Variants in FUT8 observed in about 807,000 individuals in gnomAD.
FUT8 encodes alpha-(1,6)-fucosyltransferase.
In FUT8, 29 loss-of-function variants were observed where a neutral mutation model predicts 71.3. The observed-to-expected ratio is 0.41, with a 90% CI of 0.30 to 0.55. FUT8 has a LOEUF of 0.55. Ranked by LOEUF, FUT8 falls within the 20% of genes least tolerant of loss-of-function variation. The pLI is 0.34. For synonymous variants in FUT8, 254 were observed against 239.3 expected (o/e 1.06, Z -0.57); for missense variants, 544 against 702.1 (o/e 0.77, Z 2.55).
At chr14:65,637,884 A>C (rs1890642262) in intron 6 of FUT8, among the ~76,000 whole-genome samples, 2 of 152,102 alleles carry the variant, frequency 1.3e-5, no homozygotes, top group South Asian at 2.1e-4. Context: ...GCTCCCTCCT[A>C]GGGGTGTTGC....
At chr14:65,609,177 C>T (rs1451791840) in intron 3 of FUT8, among the ~76,000 whole-genome samples, 2 of 151,532 alleles carry the variant, frequency 1.3e-5, no homozygotes, top group Admixed American at 1.3e-4. Flanking sequence ...CTCCTGTAGT[C>T]CCAGCTACTT....
chr14:65,677,158 GCGCA>G (rs1364023292), intron 7 of FUT8, among the ~76,000 whole-genome samples: 31 of 116,358 alleles, frequency 2.7e-4, no homozygotes, highest in African/African-American at 4.7e-4. Flanking sequence ...GTGTGCGCGC[GCGCA>G]TGCGCGCGCA....
At chr14:65,463,257 T>A (rs1449966141) in intron 2 of FUT8, among the ~76,000 whole-genome samples, 2 of 152,156 alleles carry the variant, frequency 1.3e-5, no homozygotes, top group Non-Finnish European at 2.9e-5. Context: ...AGTAGGAGAA[T>A]TTTTTATCTT....
intron 6 of FUT8, among the ~76,000 whole-genome samples, chr14:65,662,202 T>C (rs567634247): frequency 4.6e-5 from 7 of 152,124 alleles, no homozygotes; most frequent in African/African-American, 1.4e-4. Context: ...TGGCTTAAGC[T>C]CACAGGTTCG....
At chr14:65,571,825 AGTT>A (rs549846958) in intron 3 of FUT8, among the ~76,000 whole-genome samples, 74 of 152,126 alleles carry the variant, frequency 4.9e-4, no homozygotes, top group Non-Finnish European at 6.8e-4. Flanking sequence ...GTATTATATC[AGTT>A]GTTCTATTTA....
intron 7 of FUT8, among the ~76,000 whole-genome samples, chr14:65,712,678 C>G (rs1028955906): frequency 1.3e-5 from 2 of 152,172 alleles, no homozygotes; most frequent in African/African-American, 4.8e-5. Flanking sequence ...CTTCTGACCT[C>G]AGGTGATCCT....
At position 65,742,448 on chromosome 14, in the gene FUT8, G is replaced by T; in HGVS notation, c.*38G>T. The T allele has an allele frequency of 1.3e-6, 2 of 1,570,348 alleles. No homozygotes were observed. The highest frequency in any genetic ancestry group is 2.3e-5 in the South Asian group (2 of 85,860). On this transcript the variant is annotated 3_prime_UTR_variant, in exon 11 of 11. Coordinates refer to ENST00000673929, the MANE Select transcript of FUT8 (RefSeq NM_001371533.1). ...AGAGATAAACGACCAAACTCAGTTC[G>T]ACCAAACTCAGTTCAAACCATTTCA...
intron 2 of FUT8, among the ~76,000 whole-genome samples, chr14:65,549,826 C>A (rs1474181560): frequency 6.6e-6 from 1 of 152,130 alleles, no homozygotes; most frequent in South Asian, 2.1e-4. Context: ...TTTTTCATTG[C>A]TCTGAAGGAA....
rs2140084858 is a variant in FUT8, at chr14:65,572,397, A to G, written c.203+10631A>G. On this transcript the variant is annotated intron_variant, in intron 3 of 10. Coordinates refer to ENST00000673929, the MANE Select transcript of FUT8 (RefSeq NM_001371533.1). Reference sequence around the variant, plus strand: ...GTGAGTAAGTACTCACATTATCCCCATTTTGTAGATGTAGACAGAGAAGTA... The same window carrying G: ...GTGAGTAAGTACTCACATTATCCCCGTTTTGTAGATGTAGACAGAGAAGTA... Among the ~76,000 whole-genome samples, 2 of 152,238 alleles carry G rather than the reference A, an allele frequency of 1.3e-5. 1 individual carries two copies. Among genetic ancestry groups the G allele is most frequent in the South Asian group, 4.1e-4 (2 of 4,826 alleles).
intron 6 of FUT8, among the ~76,000 whole-genome samples, chr14:65,642,071 G>A (rs892006788): frequency 5.9e-5 from 9 of 151,968 alleles, no homozygotes; most frequent in African/African-American, 2.2e-4. Flanking sequence ...TTAAATTTAT[G>A]CTTTTGTATT....
intron 1 of FUT8, among the ~76,000 whole-genome samples, chr14:65,420,152 A>T (rs970554803): frequency 2.0e-5 from 3 of 152,212 alleles, no homozygotes; most frequent in Admixed American, 6.5e-5. Flanking sequence ...ATAATAATAA[A>T]AAAAAGATTA....
intron 7 of FUT8, among the ~76,000 whole-genome samples, chr14:65,671,321 T>C (rs1306247137): frequency 6.6e-6 from 1 of 152,196 alleles, no homozygotes; most frequent in Non-Finnish European, 1.5e-5. Flanking sequence ...CTTGTACATT[T>C]TGTAGTCGGT....
chr14:65,598,542 A>G (rs1888123714), intron 3 of FUT8, among the ~76,000 whole-genome samples: 1 of 152,076 alleles, frequency 6.6e-6, no homozygotes, highest in Non-Finnish European at 1.5e-5. Context: ...ATTCTGTTAA[A>G]TAATAGTGAT....
chr14:65,595,002 T>C lies in FUT8; in HGVS notation c.204-20976T>C, dbSNP rs73286148. Among the ~76,000 whole-genome samples the C allele has an allele frequency of 9.3e-3, 1,420 of 152,240 alleles. 22 individuals are homozygous for C. The highest frequency in any genetic ancestry group is 0.033 in the African/African-American group (1,352 of 41,548). ...CACACAGGGATGGAAGTTTTCACTT[T>C]GGGCCACCGATTTCAGACTTTTCCA... On this transcript the variant is annotated intron_variant, in intron 3 of 10. Transcript: ENST00000673929.
chr14:65,689,780 G>A lies in FUT8; in HGVS notation c.835+20300G>A, dbSNP rs977097143. Among the ~76,000 whole-genome samples, 4 of 152,168 alleles carry A rather than the reference G, an allele frequency of 2.6e-5. No individual in the cohort carries two copies. The East Asian group carries it at 5.8e-4, about 22-fold the overall frequency. On this transcript the variant is annotated intron_variant, in intron 7 of 10. Coordinates refer to ENST00000673929, the MANE Select transcript of FUT8 (RefSeq NM_001371533.1). ...TCTTGAACTCCTGACCTCGTGATCCGCCCACCTCGGCCTCCCGAAGTGCTA... is the reference window on the plus strand; with the variant it reads ...TCTTGAACTCCTGACCTCGTGATCCACCCACCTCGGCCTCCCGAAGTGCTA...
intron 10 of FUT8, among the ~76,000 whole-genome samples, chr14:65,735,613 TTA>T (rs57504751): frequency 0.024 from 3,604 of 152,212 alleles, 211 homozygotes; most frequent in East Asian, 0.21. Flanking sequence ...TCAAAATATT[TTA>T]TGTTAGGATT....
At chr14:65,739,155 G>T (rs1027091444) in intron 10 of FUT8, among the ~76,000 whole-genome samples, 3 of 152,022 alleles carry the variant, frequency 2.0e-5, no homozygotes, top group Non-Finnish European at 4.4e-5. Context: ...AATGAGTTGA[G>T]ACAAGGTGAG....
intron 6 of FUT8, among the ~76,000 whole-genome samples, chr14:65,662,048 T>C (rs896609405): frequency 5.3e-5 from 8 of 152,196 alleles, no homozygotes; most frequent in African/African-American, 1.4e-4. Flanking sequence ...CAAATACAGC[T>C]TTCAGCTCTG....
chr14:65,629,670 G>A (rs1262430715), intron 6 of FUT8, 64 bp downstream of exon 6: 1 of 1,129,808 alleles, frequency 8.9e-7, no homozygotes. Context: ...ATAACTAAGA[G>A]TAATAATTTC....
Sources: allele counts gnomAD v4.1 joint callset (sites outside exome capture counted in the v4.1 genomes callset), GRCh38; gene constraint gnomAD v4.1.1; transcripts MANE v1.5; gene names NCBI Gene and HGNC (gene_info 2026-07-23, HGNC 2026-07-21).